The following NAT14 variants were observed in gnomAD, a reference collection of about 807,000 sequenced individuals.
The protein encoded by NAT14 is probable N-acetyltransferase 14.
Under a neutral mutation model 12.1 loss-of-function variants are expected in NAT14, and 14 were observed. That is an observed-to-expected ratio of 1.16 (90% confidence interval 0.76 to 1.81). The LOEUF is 1.81. Ranked by LOEUF, NAT14 falls within the 40% of genes most tolerant of loss-of-function variation. NAT14 has a pLI of 0.00. For missense variants in NAT14, 341 were observed against 304.3 expected (o/e 1.12, Z -0.90); for synonymous variants, 156 against 145.1 (o/e 1.08, Z -0.54).
rs1599906035 is a variant in NAT14, at chr19:55,486,529, C to T, written c.194C>T (p.Ala65Val). ...LRFVLASFAL[A>V]LLLPVFLAVA... ...TTTGTCCTGGCTTCCTTCGCCCTGG[C>T]CCTCCTCCTGCCGGTGTTCCTGGCT... The change falls in exon 3 of 3, where the codon GCC becomes GTC. Residue 65 changes from alanine to valine, a missense_variant. By Grantham distance (64) the Ala-to-Val change is moderately conservative (BLOSUM62 0). Transcript: ENST00000205194. The T allele has an allele frequency of 2.5e-6, 4 of 1,588,954 alleles. No individual in the cohort carries two copies. The East Asian group carries it at 6.9e-5, about 27-fold the overall frequency.
intron 2 of NAT14, 152 bp downstream of exon 2, chr19:55,485,932 C>G (rs1986901545): frequency 2.9e-6 from 2 of 678,162 alleles, no homozygotes; most frequent in Non-Finnish European, 5.2e-6. Flanking sequence ...CTGCTGAAAA[C>G]CACAGCAGGT....
Sources: allele counts gnomAD v4.1 joint callset, GRCh38; gene constraint gnomAD v4.1.1; transcripts MANE v1.5; gene names NCBI Gene and HGNC (gene_info 2026-07-23, HGNC 2026-07-21).